RANBP9: variants seen among roughly 807,000 people sequenced by gnomAD.
RANBP9 encodes the protein RAN binding protein 9, also known as ran-binding protein 9.
In RANBP9, 15 loss-of-function variants were observed where a neutral mutation model predicts 84.3. The ratio of observed to expected loss-of-function variants is 0.18; its 90% CI spans 0.12 to 0.27. The LOEUF is 0.27. RANBP9 is among the 10% of genes least tolerant of loss of function. The pLI, the probability that RANBP9 is intolerant of heterozygous loss-of-function variation, is 1.00. For missense variants in RANBP9, 809 were observed against 912.8 expected (o/e 0.89, Z 1.46); for synonymous variants, 392 against 349.6 (o/e 1.12, Z -1.35).
intron 2 of RANBP9, among the ~76,000 whole-genome samples, chr6:13,688,261 A>G (rs1272979920): frequency 3.3e-5 from 5 of 152,248 alleles, no homozygotes; most frequent in African/African-American, 1.2e-4. Context: ...GTCAGCTTCT[A>G]AAACAGCTAC....
intron 2 of RANBP9, among the ~76,000 whole-genome samples, chr6:13,684,191 G>A (rs1766112601): frequency 1.3e-5 from 2 of 152,122 alleles, no homozygotes; most frequent in South Asian, 4.1e-4. Flanking sequence ...TACACAACAT[G>A]GATATAGCAG....
At chr6:13,640,705 G>A (rs1388154379) in intron 8 of RANBP9, among the ~76,000 whole-genome samples, 1 of 152,130 alleles carries the variant, frequency 6.6e-6, no homozygotes, top group Non-Finnish European at 1.5e-5. Flanking sequence ...ATTCATAGAG[G>A]CAAAATGTAG....
chr6:13,679,883 A>C (rs1193046580), intron 2 of RANBP9, among the ~76,000 whole-genome samples: 1 of 152,194 alleles, frequency 6.6e-6, no homozygotes, highest in Non-Finnish European at 1.5e-5. Context: ...TGGATGTTCA[A>C]GACTTGTTCA....
At chr6:13,649,388 C>T (rs1299123010) in intron 5 of RANBP9, among the ~76,000 whole-genome samples, 1 of 149,986 alleles carries the variant, frequency 6.7e-6, no homozygotes, top group Admixed American at 6.7e-5. Flanking sequence ...ATGATCTCCG[C>T]TATCTATGAA....
At chr6:13,623,309 T>C (rs940653850) in intron 13 of RANBP9, among the ~76,000 whole-genome samples, 2 of 152,150 alleles carry the variant, frequency 1.3e-5, no homozygotes, top group African/African-American at 2.4e-5. Context: ...ATAGGCACAG[T>C]TGACAACAAA....
chr6:13,652,249 G>A (rs1476507648), intron 5 of RANBP9, among the ~76,000 whole-genome samples: 1 of 152,074 alleles, frequency 6.6e-6, no homozygotes. Context: ...AGTCCAAGAG[G>A]GCAGAGACCT....
At chr6:13,663,977 A>G (rs1223664413) in intron 2 of RANBP9, among the ~76,000 whole-genome samples, 3 of 152,134 alleles carry the variant, frequency 2.0e-5, no homozygotes, top group Admixed American at 2.0e-4. Flanking sequence ...AAAAGCAAGA[A>G]GGCCAGTGCT....
rs1284562461 is a variant in RANBP9, at chr6:13,710,974, T to C, written c.532A>G (p.Ile178Val). The C allele has an allele frequency of 1.2e-6, 2 of 1,610,134 alleles. No homozygotes were observed. Among genetic ancestry groups the C allele is most frequent in the African/African-American group, 1.3e-5 (1 of 74,764 alleles). The change falls in exon 1 of 14, where the codon ATC becomes GTC. Residue 178 changes from isoleucine (I) to valine (V), a missense_variant. This residue lies in a region of RANBP9 where 302 missense variants were observed against 240.1 expected (regional missense o/e 1.26). Coordinates refer to ENST00000011619, the MANE Select transcript of RANBP9 (RefSeq NM_005493.3). ...CGCAGGTTGTTCTGAGAGAGGCCGATGTAGCTGAACTTGTCCTTCGGGCTC... is the reference window on the plus strand; with the variant it reads ...CGCAGGTTGTTCTGAGAGAGGCCGACGTAGCTGAACTTGTCCTTCGGGCTC... Reference protein sequence around the residue: ...SWSPKDKFSYIGLSQNNLRVH... With the variant: ...SWSPKDKFSYVGLSQNNLRVH...
intron 4 of RANBP9, among the ~76,000 whole-genome samples, chr6:13,655,914 T>A (rs1765386146): frequency 6.6e-6 from 1 of 152,154 alleles, no homozygotes; most frequent in African/African-American, 2.4e-5. Flanking sequence ...CACACACAAA[T>A]ATACATAATT....
chr6:13,662,469 C>T (rs752451771), intron 2 of RANBP9, among the ~76,000 whole-genome samples: 2 of 152,030 alleles, frequency 1.3e-5, no homozygotes, highest in African/African-American at 4.8e-5. Flanking sequence ...GCGTGTGTCC[C>T]CCAAAATTCT....
chr6:13,638,463 T>A (rs974903305), intron 9 of RANBP9, among the ~76,000 whole-genome samples: 1 of 152,120 alleles, frequency 6.6e-6, no homozygotes. Flanking sequence ...TTAAGAATGT[T>A]AAATGTACAA....
At chr6:13,681,396 G>A (rs548057925) in intron 2 of RANBP9, among the ~76,000 whole-genome samples, 68 of 152,146 alleles carry the variant, frequency 4.5e-4, no homozygotes, top group Non-Finnish European at 7.8e-4. Context: ...GTATTTTACT[G>A]CACATTAATC....
chr6:13,626,665 T>C (rs1339081719), intron 12 of RANBP9, among the ~76,000 whole-genome samples: 2 of 152,170 alleles, frequency 1.3e-5, no homozygotes, highest in African/African-American at 2.4e-5. Flanking sequence ...TCTTACCAAT[T>C]TGGAAGGCAG....
chr6:13,681,102 A>T (rs1766025191), intron 2 of RANBP9, among the ~76,000 whole-genome samples: 1 of 152,186 alleles, frequency 6.6e-6, no homozygotes, highest in South Asian at 2.1e-4. Flanking sequence ...AAAAGCAATG[A>T]CCTACTGATA....
In RANBP9 at chr6:13,625,470, T is replaced by C. The variant is rs1047007785; in HGVS notation, c.2059+183A>G. On this transcript the variant is annotated intron_variant, in intron 13 of 13. Transcript: ENST00000011619. ...ACCCCATCTTACTGTTTTTATTCTA[T>C]TTAAATCCACTTGAATCTGGAATTA... is the stretch of plus-strand genomic sequence containing the variant. 3.9e-5 allele frequency among the ~76,000 whole-genome samples: 6 copies of C among 152,186 alleles called. 1 individual carries two copies. The South Asian group carries it at 6.2e-4, about 16-fold the overall frequency.
intron 12 of RANBP9, among the ~76,000 whole-genome samples, chr6:13,628,619 G>A (rs1764690350): frequency 6.6e-6 from 1 of 152,082 alleles, no homozygotes; most frequent in African/African-American, 2.4e-5. Context: ...AACTAACAGA[G>A]CCTTAAAAAT....
chr6:13,690,512 G>GC (rs1766298042), intron 2 of RANBP9, among the ~76,000 whole-genome samples: 2 of 152,148 alleles, frequency 1.3e-5, no homozygotes, highest in Admixed American at 1.3e-4. Flanking sequence ...CATTCTGAAA[G>GC]AGTGCACTTT....
chr6:13,634,666 G>A, intron 10 of RANBP9, 114 bp from the exon 11 acceptor site: 8 of 998,460 alleles, frequency 8.0e-6, no homozygotes, highest in Middle Eastern at 2.9e-4. Flanking sequence ...TAAGGCAACA[G>A]AAATCTGCAA....
chr6:13,683,052 CAAATCACA>C (rs571853946), intron 2 of RANBP9, among the ~76,000 whole-genome samples: 170 of 152,306 alleles, frequency 1.1e-3, no homozygotes, highest in Middle Eastern at 0.01. Context: ...CTGTACTATA[CAAATCACA>C]AAGAATCACT....
Sources: allele counts gnomAD v4.1 joint callset (sites outside exome capture counted in the v4.1 genomes callset), GRCh38; gene constraint gnomAD v4.1.1; regional missense constraint gnomAD v4.1.1; transcripts MANE v1.5; gene names NCBI Gene and HGNC (gene_info 2026-07-23, HGNC 2026-07-21).